TRMT11: variants seen among roughly 807,000 people sequenced by gnomAD.
TRMT11 encodes the protein tRNA (guanine(10)-N(2))-methyltransferase TRMT11.
In TRMT11, 53 loss-of-function variants were observed where a neutral mutation model predicts 62.8. The ratio of observed to expected loss-of-function variants is 0.84; its 90% CI spans 0.68 to 1.06. The LOEUF (loss-of-function observed/expected upper bound fraction) is 1.06, where lower values mean the gene tolerates loss of function less well. Among genes scored for constraint, TRMT11 ranks in the 50% least tolerant of loss-of-function variants. The probability of loss-of-function intolerance (pLI) is 0.00; values close to 1 mark genes in which losing one functional copy is unlikely to be tolerated. For missense variants in TRMT11, 556 were observed against 553.4 expected (o/e 1.00, Z -0.05); for synonymous variants, 188 against 190.3 (o/e 0.99, Z 0.10).
chr6:126,139,671 T>C (rs1777893045), intron 21 of TRMT11, among the ~76,000 whole-genome samples: 1 of 152,116 alleles, frequency 6.6e-6, no homozygotes, highest in Non-Finnish European at 1.5e-5. Context: ...GCCCAGCCTA[T>C]GTAACAAATA....
chr6:126,104,264 T>C (rs1037775457), intron 17 of TRMT11, among the ~76,000 whole-genome samples: 2 of 152,188 alleles, frequency 1.3e-5, no homozygotes, highest in African/African-American at 2.4e-5. Context: ...CAAGCTTTAC[T>C]CTTGCCGGAG....
intron 21 of TRMT11, among the ~76,000 whole-genome samples, chr6:126,135,216 A>C (rs1316566360): frequency 6.6e-6 from 1 of 151,710 alleles, no homozygotes; most frequent in Non-Finnish European, 1.5e-5. Flanking sequence ...GGTTTTGAAA[A>C]AATAAACAAA....
downstream of TRMT11, among the ~76,000 whole-genome samples, chr6:126,042,306 G>A (rs1429931202): frequency 6.6e-6 from 1 of 152,124 alleles, no homozygotes; most frequent in Non-Finnish European, 1.5e-5. Flanking sequence ...TCACTGTGTG[G>A]GATAAGCAAG....
intron 1 of TRMT11, among the ~76,000 whole-genome samples, chr6:126,179,881 G>T (rs896519613): frequency 6.6e-6 from 1 of 151,960 alleles, no homozygotes; most frequent in Non-Finnish European, 1.5e-5. Flanking sequence ...CTAATAATTA[G>T]GGAAGAAAAT....
chr6:126,015,505 A>G (rs1177649755), intron 11 of TRMT11, among the ~76,000 whole-genome samples: 2 of 152,168 alleles, frequency 1.3e-5, no homozygotes, highest in Admixed American at 6.5e-5. Context: ...GGTGTGAGCC[A>G]CTGCGCCCAG....
At chr6:126,008,787 A>G in intron 8 of TRMT11, 1 of 506,892 alleles carries the variant, frequency 2.0e-6, no homozygotes. Context: ...GTTCTGGGGG[A>G]GTCAAAAGTT....
At chr6:126,177,486 C>T (rs1299731251) in intron 1 of TRMT11, among the ~76,000 whole-genome samples, 1 of 152,128 alleles carries the variant, frequency 6.6e-6, no homozygotes, top group Non-Finnish European at 1.5e-5. Context: ...TTCCAAATGG[C>T]TAAATAACAT....
chr6:126,128,915 A>ATT lies in TRMT11; in HGVS notation c.*1823+13076_*1823+13077dup, dbSNP rs36071656. On this transcript the variant is annotated intron_variant and NMD_transcript_variant, in intron 21 of 22. Transcript: ENST00000648977. ...CACCTAAAAGGATTTTTGTTTTCTG[A>ATT]TTTTTTTTTTTTTTTTTGCACAGCT... Among the ~76,000 whole-genome samples the ATT allele has an allele frequency of 1.6e-3, 215 of 130,452 alleles. 1 individual carries two copies. Among genetic ancestry groups the ATT allele is most frequent in the South Asian group, 7.9e-3 (33 of 4,158 alleles). The allele number at this position is 130,452 out of a possible 152,430, so 85.6% of individuals were successfully genotyped here.
Position 126,061,768 on chromosome 6 carries a change from A to C in TRMT11, c.*1437+8578A>C, listed in dbSNP as rs140958658. Among the ~76,000 whole-genome samples the C allele has an allele frequency of 7.8e-3, 1,183 of 152,242 alleles. 16 individuals carry two copies. The highest frequency in any genetic ancestry group is 0.022 in the South Asian group (104 of 4,820). On this transcript the variant is annotated intron_variant and NMD_transcript_variant, in intron 17 of 22. Coordinates refer to the TRMT11 transcript ENST00000648977. Reference sequence around the variant, plus strand: ...AACTGGACACCCTCTGATGAAGCTCATTTGCTCTAGCATGCTAGCTGAAAG... The same window carrying C: ...AACTGGACACCCTCTGATGAAGCTCCTTTGCTCTAGCATGCTAGCTGAAAG...
intron 1 of TRMT11, 145 bp downstream of exon 1, chr6:125,986,767 G>T (rs1299584003): frequency 1.4e-6 from 1 of 734,704 alleles, no homozygotes; most frequent in Non-Finnish European, 2.2e-6. Flanking sequence ...CCCAGTCCTC[G>T]GGCGGGGTGA....
At chr6:126,026,807 T>TG (rs1419610231) in intron 12 of TRMT11, among the ~76,000 whole-genome samples, 2 of 148,812 alleles carry the variant, frequency 1.3e-5, no homozygotes, top group African/African-American at 5.0e-5. Flanking sequence ...TTTGGGTTTT[T>TG]TTTTTTTTTT....
At chr6:126,232,221 A>T in the TRMT11 span, among the ~76,000 whole-genome samples, 1 of 151,662 alleles carries the variant, frequency 6.6e-6, no homozygotes, top group Non-Finnish European at 1.5e-5. Flanking sequence ...TGTGATGGAG[A>T]AGATTGAGTT....
chr6:126,240,567 G>A, the TRMT11 span, among the ~76,000 whole-genome samples: 1 of 152,164 alleles, frequency 6.6e-6, no homozygotes, highest in East Asian at 1.9e-4. Context: ...TGTTCCTCTG[G>A]AAGTTTTGTC....
intron 16 of TRMT11, among the ~76,000 whole-genome samples, chr6:126,049,579 T>A (rs753837102): frequency 6.6e-6 from 1 of 152,212 alleles, no homozygotes; most frequent in Non-Finnish European, 1.5e-5. Context: ...GGTTGATGTC[T>A]ATGGGAGTTC....
At chr6:126,205,497 C>T (rs1451397488), downstream of TRMT11, among the ~76,000 whole-genome samples, 1 of 151,646 alleles carries the variant, frequency 6.6e-6, no homozygotes, top group Non-Finnish European at 1.5e-5. Flanking sequence ...GAGTGAGACT[C>T]CATCTCAAAA....
At chr6:126,225,539 T>C in the TRMT11 span, among the ~76,000 whole-genome samples, 1 of 152,044 alleles carries the variant, frequency 6.6e-6, no homozygotes, top group African/African-American at 2.4e-5. Flanking sequence ...TGGGAGATGC[T>C]CTTCCCGGCT....
At chr6:126,099,840 C>T (rs1251839777) in intron 17 of TRMT11, among the ~76,000 whole-genome samples, 2 of 152,284 alleles carry the variant, frequency 1.3e-5, no homozygotes, top group East Asian at 3.9e-4. Flanking sequence ...AGCAGTCAGA[C>T]TCCTGAGTTG....
chr6:125,987,525 C>T (rs1236606284), intron 1 of TRMT11, among the ~76,000 whole-genome samples: 1 of 152,064 alleles, frequency 6.6e-6, no homozygotes, highest in African/African-American at 2.4e-5. Context: ...AAAAAGTGAC[C>T]ACAAAATTAA....
chr6:126,194,626 A>G (rs1490128380), intron 1 of TRMT11, among the ~76,000 whole-genome samples: 2 of 152,234 alleles, frequency 1.3e-5, no homozygotes, highest in African/African-American at 4.8e-5. Context: ...TTAGTTCCAA[A>G]TATCGGTGGG....
Sources: allele counts gnomAD v4.1 joint callset (sites outside exome capture counted in the v4.1 genomes callset), GRCh38; gene constraint gnomAD v4.1.1; transcripts MANE v1.5; gene names NCBI Gene and HGNC (gene_info 2026-07-23, HGNC 2026-07-21).